The following SPNS3 variants were observed in gnomAD, a reference collection of about 807,000 sequenced individuals.
The protein encoded by SPNS3 is SPNS lysolipid transporter 3, sphingosine-1-phosphate (putative), also known as protein spinster homolog 3.
In SPNS3, 51 loss-of-function variants were observed where a neutral mutation model predicts 54.4. The ratio of observed to expected loss-of-function variants is 0.94; its 90% CI spans 0.75 to 1.18. The LOEUF (loss-of-function observed/expected upper bound fraction) is 1.18. Among genes scored for constraint, SPNS3 ranks in the 50% most tolerant of loss-of-function variants. SPNS3 has a pLI of 0.00. For missense variants in SPNS3, 669 were observed against 677.4 expected, an observed-to-expected ratio of 0.99 and a Z score of 0.14; for synonymous variants, 309 against 294.7, an observed-to-expected ratio of 1.05 and a Z score of -0.50.
intron 2 of SPNS3, 56 bp downstream of exon 2, chr17:4,439,779 T>A: frequency 6.6e-7 from 1 of 1,510,156 alleles, no homozygotes; most frequent in Non-Finnish European, 9.1e-7. Context: ...TGGGGTGGGC[T>A]CTTTCTGTGG....
chr17:4,486,304 G>A lies in SPNS3; in HGVS notation c.1256G>A (p.Gly419Asp). The change falls in exon 10 of 12, where the codon GGC (glycine) becomes GAC (aspartate). Residue 419 changes from glycine to aspartate, a missense_variant. Physicochemically the swap from Gly to Asp is moderately conservative, Grantham distance 94 (BLOSUM62 -1). Coordinates refer to ENST00000355530, the MANE Select transcript of SPNS3 (RefSeq NM_182538.5). This position sits in a 1 kb window ranked among gnomAD's most constrained non-coding sequence, Gnocchi z 5.5. ...ITVGHILGDA[G>D]SPYLTGLISS... ...GTGGGCCACATCCTGGGAGACGCTG[G>A]CAGCCCCTATCTCACAGGACTTGTA... The A allele has an allele frequency of 6.3e-7, 1 of 1,596,832 alleles. No homozygotes were observed. The highest frequency in any genetic ancestry group is 8.5e-7 in the Non-Finnish European group (1 of 1,173,876).
chr17:4,446,458 G>A (rs920555387), intron 4 of SPNS3: 5 of 497,438 alleles, frequency 1.0e-5, no homozygotes, highest in African/African-American at 5.7e-5. Context: ...CACACACTCG[G>A]CAGTGTGGCC....
At chr17:4,449,175 G>A (rs1050861267) in intron 6 of SPNS3, 60 bp from the exon 7 acceptor site, 82 of 1,574,090 alleles carry the variant, frequency 5.2e-5, no homozygotes, top group Non-Finnish European at 7.0e-5. Context: ...GGGGAGGAGT[G>A]GACAGGCCCC....
intron 11 of SPNS3, among the ~76,000 whole-genome samples, chr17:4,487,178 AAAAAAAAAAAAAAGGGACAGGTAGGTGC>A (rs1331748647): frequency 1.1e-4 from 17 of 151,500 alleles, no homozygotes; most frequent in Non-Finnish European, 2.2e-4. Context: ...AAAAAAAAAA[AAAAAAAAAAAAAAGGGACAGGTAGGTGC>A]AGGCTGCAAG....
chr17:4,450,762 A>T (rs1240618947), intron 7 of SPNS3, among the ~76,000 whole-genome samples: 30 of 127,180 alleles, frequency 2.4e-4, no homozygotes, highest in Middle Eastern at 4.1e-3. Flanking sequence ...ATGCCCAGCT[A>T]TTTTTTTTTT....
At chr17:4,448,858 G>A (rs542637819) in intron 6 of SPNS3, among the ~76,000 whole-genome samples, 1 of 152,356 alleles carries the variant, frequency 6.6e-6, no homozygotes, top group African/African-American at 2.4e-5. Context: ...AGACAGGGCA[G>A]GCAGGGACAG....
chr17:4,448,417 A>C (rs1309928223), intron 6 of SPNS3, 114 bp downstream of exon 6: 10 of 1,056,554 alleles, frequency 9.5e-6, no homozygotes, highest in Non-Finnish European at 1.3e-5. Flanking sequence ...CCCAGTGTTC[A>C]CAGCCCTCCT....
chr17:4,462,754 A>G (rs796909803), intron 8 of SPNS3, among the ~76,000 whole-genome samples: 1 of 20,388 alleles, frequency 4.9e-5, no homozygotes, highest in Non-Finnish European at 8.0e-5. Context: ...TCCATCCACC[A>G]ATCCATCCAT....
chr17:4,455,115 C>T (rs1479686932), intron 8 of SPNS3, among the ~76,000 whole-genome samples: 1 of 151,332 alleles, frequency 6.6e-6, no homozygotes, highest in Non-Finnish European at 1.5e-5. Flanking sequence ...GGTTTCGCCA[C>T]ATTGGCCAGG....
intron 8 of SPNS3, among the ~76,000 whole-genome samples, chr17:4,468,136 T>C (rs990549314): frequency 1.3e-5 from 2 of 152,070 alleles, no homozygotes; most frequent in African/African-American, 2.4e-5. Context: ...GCTGCCACGT[T>C]GAGAATAGAA....
chr17:4,450,068 TGCCTCCAGGGGCTGCTCTCCA>T (rs1033815814), intron 7 of SPNS3, among the ~76,000 whole-genome samples: 17 of 151,858 alleles, frequency 1.1e-4, no homozygotes, highest in Admixed American at 1.1e-3. Flanking sequence ...GCCTCCTCCC[TGCCTCCAGGGGCTGCTCTCCA>T]GCCTCCTTGC....
chr17:4,455,917 TGGG>T (rs10531598), intron 8 of SPNS3, among the ~76,000 whole-genome samples: 2 of 150,748 alleles, frequency 1.3e-5, no homozygotes, highest in African/African-American at 4.9e-5. Context: ...CTGCCCTCTG[TGGG>T]GGGGGGGTGA....
intron 1 of SPNS3, among the ~76,000 whole-genome samples, chr17:4,436,936 C>G (rs561586880): frequency 2.0e-5 from 3 of 152,162 alleles, no homozygotes; most frequent in African/African-American, 7.2e-5. Flanking sequence ...ACCCACGAGC[C>G]TGGGGACCCG....
intron 8 of SPNS3, among the ~76,000 whole-genome samples, chr17:4,454,542 A>C (rs368285013): frequency 1.1e-4 from 16 of 151,502 alleles, no homozygotes; most frequent in African/African-American, 3.9e-4. Context: ...TTCTCTAGTC[A>C]CACACATGAA....
intron 9 of SPNS3, 69 bp downstream of exon 9, chr17:4,478,706 G>A: frequency 6.7e-7 from 1 of 1,501,564 alleles, no homozygotes; most frequent in Non-Finnish European, 9.1e-7. Flanking sequence ...CTGCTGCTGA[G>A]CAGCTGGGCA....
intron 8 of SPNS3, among the ~76,000 whole-genome samples, chr17:4,474,917 T>A (rs1971949427): frequency 6.6e-6 from 1 of 152,220 alleles, no homozygotes. Context: ...GTGTGAGTTC[T>A]TCGTGTGTGT....
chr17:4,437,301 G>A (rs1358530938), intron 1 of SPNS3, among the ~76,000 whole-genome samples: 3 of 152,230 alleles, frequency 2.0e-5, no homozygotes, highest in Admixed American at 1.3e-4. Flanking sequence ...TCCTGAAAAT[G>A]GAAGATGGGC....
intron 8 of SPNS3, among the ~76,000 whole-genome samples, chr17:4,474,991 G>A (rs535526055): frequency 6.6e-6 from 1 of 152,288 alleles, no homozygotes; most frequent in South Asian, 2.1e-4. Context: ...TTGGTCTCAC[G>A]TGCACTTGTG....
At chr17:4,454,171 C>T (rs1971242337) in intron 8 of SPNS3, among the ~76,000 whole-genome samples, 1 of 152,204 alleles carries the variant, frequency 6.6e-6, no homozygotes, top group Non-Finnish European at 1.5e-5. Flanking sequence ...CATGAGGCAC[C>T]AAGGTTTATG....
Sources: gnomAD v4.1 joint callset for allele counts (sites outside exome capture counted in the v4.1 genomes callset) on GRCh38, gnomAD v4.1.1 for gene constraint, Gnocchi (gnomAD v3.1) non-coding constraint, MANE v1.5 for transcripts, NCBI Gene and HGNC (gene_info 2026-07-23, HGNC 2026-07-21) for gene names.